Variants in PDE8B observed in about 807,000 individuals in gnomAD.
PDE8B encodes high affinity cAMP-specific and IBMX-insensitive 3',5'-cyclic phosphodiesterase 8B.
A neutral mutation model predicts 101.3 loss-of-function variants in PDE8B; 26 were observed. That is an observed-to-expected ratio of 0.26 (90% CI 0.19 to 0.36). The LOEUF (loss-of-function observed/expected upper bound fraction) is 0.36, where lower values mean the gene tolerates loss of function less well. PDE8B is among the 10% of genes least tolerant of loss of function. PDE8B has a pLI of 1.00. For missense variants in PDE8B, 810 were observed against 1,163.1 expected (o/e 0.70, Z 4.42); for synonymous variants, 424 against 429.3 (o/e 0.99, Z 0.15).
chr5:77,195,261 T>G, the PDE8B span, among the ~76,000 whole-genome samples: 1 of 152,286 alleles, frequency 6.6e-6, no homozygotes, highest in East Asian at 1.9e-4. Flanking sequence ...CCTCAAGTCG[T>G]TTATATAATG....
intron 10 of PDE8B, among the ~76,000 whole-genome samples, chr5:77,387,060 T>C (rs1194908735): frequency 4.6e-5 from 7 of 151,040 alleles, no homozygotes; most frequent in African/African-American, 1.5e-4. Context: ...ATTTTTTGTA[T>C]TTTTAGTAGA....
rs1203923637 is a variant in PDE8B, at chr5:77,211,318, G to A, written c.339+54G>A. On this transcript the variant is annotated intron_variant, in intron 1 of 21. Transcript: ENST00000264917. This position sits in a 1 kb window ranked among gnomAD's most constrained non-coding sequence, Gnocchi z 4.1. The stretch of plus-strand genomic sequence containing the variant: ...GGGGGCCGTCCGCCCCGTCGGCGGG[G>A]CTCGCACGGGTAGGGGGCTCCGGCG... The A allele has an allele frequency of 2.0e-6, 3 of 1,496,230 alleles. No individual in the cohort carries two copies. Among genetic ancestry groups the A allele is most frequent in the Non-Finnish European group, 1.8e-6 (2 of 1,123,248 alleles). The allele number at this position is 1,496,230 out of a possible 1,614,324, so 92.7% of individuals were successfully genotyped here. A position where few individuals can be genotyped will look rare whatever the true frequency, so the allele number is the denominator to read the frequency against.
intron 10 of PDE8B, among the ~76,000 whole-genome samples, chr5:77,399,342 C>T (rs747992551): frequency 3.3e-4 from 50 of 152,332 alleles, no homozygotes; most frequent in Non-Finnish European, 7.1e-4. Context: ...CTTTGGCCTC[C>T]GCAGACAGGG....
the PDE8B span, among the ~76,000 whole-genome samples, chr5:77,138,736 A>G: frequency 1.3e-5 from 2 of 152,144 alleles, no homozygotes; most frequent in African/African-American, 2.4e-5. Flanking sequence ...ATTTCCCACA[A>G]TCCAGACTCG....
the PDE8B span, among the ~76,000 whole-genome samples, chr5:77,107,365 T>G: frequency 2.1e-3 from 314 of 152,364 alleles, no homozygotes; most frequent in African/African-American, 7.4e-3. Flanking sequence ...ACATTCACCT[T>G]GTATCGTATG....
At chr5:77,179,815 C>T in the PDE8B span, among the ~76,000 whole-genome samples, 1,139 of 152,220 alleles carry the variant, frequency 7.5e-3, 4 homozygotes, top group Non-Finnish European at 0.013. Flanking sequence ...CCCGCCTTGG[C>T]CTCTCAAAGT....
chr5:77,117,052 G>A, the PDE8B span, among the ~76,000 whole-genome samples: 1 of 152,140 alleles, frequency 6.6e-6, no homozygotes, highest in South Asian at 2.1e-4. Context: ...CCTGCTTGGG[G>A]CACACACCCC....
chr5:77,089,082 T>C, the PDE8B span, among the ~76,000 whole-genome samples: 172 of 152,278 alleles, frequency 1.1e-3, no homozygotes, highest in Non-Finnish European at 1.6e-3. Flanking sequence ...CATGAACCAG[T>C]ACCCTTTGTA....
At chr5:77,224,858 T>G (rs1751973207) in intron 1 of PDE8B, among the ~76,000 whole-genome samples, 1 of 152,252 alleles carries the variant, frequency 6.6e-6, no homozygotes. Flanking sequence ...GTCTGGACTT[T>G]GCTGATTACA....
chr5:77,266,816 T>G (rs1365530444), intron 1 of PDE8B, among the ~76,000 whole-genome samples: 2 of 152,072 alleles, frequency 1.3e-5, no homozygotes, highest in African/African-American at 2.4e-5. Flanking sequence ...GGTGGGCCCC[T>G]GCCTTCAGCC....
intron 1 of PDE8B, among the ~76,000 whole-genome samples, chr5:77,308,436 C>T (rs1048236930): frequency 2.0e-5 from 3 of 152,234 alleles, no homozygotes; most frequent in East Asian, 1.9e-4. Context: ...GGTAGAGATA[C>T]GAGAGGCAGG....
intron 10 of PDE8B, among the ~76,000 whole-genome samples, chr5:77,367,359 G>C (rs1784333731): frequency 6.6e-6 from 1 of 152,118 alleles, no homozygotes. Flanking sequence ...GCTGCAGCCA[G>C]TGAGTGTCGT....
intron 1 of PDE8B, among the ~76,000 whole-genome samples, chr5:77,219,484 C>T (rs955513944): frequency 3.9e-5 from 6 of 152,228 alleles, no homozygotes; most frequent in South Asian, 4.1e-4. Context: ...GCCGTTCTGA[C>T]GTCAGAACCA....
intron 1 of PDE8B, among the ~76,000 whole-genome samples, chr5:77,227,897 A>G (rs906758444): frequency 1.2e-4 from 19 of 152,216 alleles, no homozygotes; most frequent in African/African-American, 4.1e-4. Context: ...AAGGGATAAC[A>G]CACAAGCAGA....
intron 1 of PDE8B, among the ~76,000 whole-genome samples, chr5:77,257,975 A>G (rs564952417): frequency 2.0e-5 from 3 of 152,276 alleles, no homozygotes; most frequent in Admixed American, 2.0e-4. Flanking sequence ...CTGAGGTCAG[A>G]AAGAGCTTGA....
chr5:77,171,725 T>C, the PDE8B span, among the ~76,000 whole-genome samples: 1 of 152,188 alleles, frequency 6.6e-6, no homozygotes, highest in Non-Finnish European at 1.5e-5. Flanking sequence ...AGGAAGCTGT[T>C]TCCACTCCCT....
At chr5:77,415,788 G>GA (rs1795412394) in intron 17 of PDE8B, among the ~76,000 whole-genome samples, 1 of 152,164 alleles carries the variant, frequency 6.6e-6, no homozygotes, top group Non-Finnish European at 1.5e-5. Context: ...CAATTCCAGG[G>GA]AACTAGTGCA....
At chr5:77,290,151 A>T in intron 1 of PDE8B, 1 of 1,323,740 alleles carries the variant, frequency 7.6e-7, no homozygotes, top group Non-Finnish European at 1.1e-6. Context: ...GTGGAAAATG[A>T]ATTCCAATCT....
the PDE8B span, among the ~76,000 whole-genome samples, chr5:77,190,671 A>C: frequency 8.5e-3 from 1,299 of 152,296 alleles, 24 homozygotes; most frequent in African/African-American, 0.029. Flanking sequence ...GGTGTCAATC[A>C]TGGCTTTTTT....
Sources: allele counts gnomAD v4.1 joint callset (sites outside exome capture counted in the v4.1 genomes callset), GRCh38; gene constraint gnomAD v4.1.1; non-coding constraint Gnocchi (gnomAD v3.1); transcripts MANE v1.5; gene names NCBI Gene and HGNC (gene_info 2026-07-23, HGNC 2026-07-21).